Variants in IVD observed in about 807,000 individuals in gnomAD.
IVD encodes the protein isovaleryl-CoA dehydrogenase, mitochondrial.
A neutral mutation model predicts 51.3 loss-of-function variants in IVD; 31 were observed. The observed-to-expected ratio is 0.60, with a 90% CI of 0.45 to 0.81. The LOEUF is 0.81. IVD is among the 40% of genes least tolerant of loss of function. IVD has a pLI of 0.00. For synonymous variants in IVD, 205 were observed against 219.4 expected (o/e 0.93, Z 0.58); for missense variants, 475 against 552.0 (o/e 0.86, Z 1.40).
chr15:40,411,778 T>C, intron 6 of IVD, 87 bp downstream of exon 6: 1 of 1,501,388 alleles, frequency 6.7e-7, no homozygotes, highest in Non-Finnish European at 9.2e-7. Context: ...TCAAATGGAA[T>C]CAGTGTTGTG....
downstream of IVD, among the ~76,000 whole-genome samples, chr15:40,423,175 C>T (rs1047807789): frequency 6.6e-6 from 1 of 152,086 alleles, no homozygotes; most frequent in Non-Finnish European, 1.5e-5. Flanking sequence ...TGGGCTCAAG[C>T]GATCCTCCTG....
intron 7 of IVD, among the ~76,000 whole-genome samples, chr15:40,432,654 G>A (rs1893043849): frequency 6.6e-6 from 1 of 152,234 alleles, no homozygotes. Flanking sequence ...TGTAGGAGAT[G>A]GAACTACCTC....
rs151118565 is a variant in IVD at position 40,410,741 on chromosome 15, A to G, written c.400A>G (p.Ile134Val). ...LSYGAHSNLC[I>V]NQLVRNGNEA... ...TTACGGTGCCCACTCCAACCTCTGC[A>G]TCAACCAGCTTGTACGCAATGGGAA... The change falls in exon 4 of 12, where the codon ATC becomes GTC. Residue 134 changes from isoleucine (I) to valine (V), a missense_variant. Ile to Val is a conservative substitution (Grantham distance 29). Transcript: ENST00000487418. 2.8e-4 allele frequency: 454 copies of G among 1,614,098 alleles called. 4 individuals are homozygous for G. The highest frequency in any genetic ancestry group is 6.3e-5 in the Non-Finnish European group (74 of 1,180,038).
Position 40,411,697 on chromosome 15 carries a change from T to C in IVD, c.687+6T>C, listed in dbSNP as rs1182401012. On this transcript the variant is annotated splice_donor_region_variant and intron_variant, in intron 6 of 11. Coordinates refer to ENST00000487418, the MANE Select transcript of IVD (RefSeq NM_002225.5). ...CAGCCTTCATTGTGGAGAAGGTGAGTATAGGTGGGTGCAGGGCCAGGAGGC... is the reference window on the plus strand; with the variant it reads ...CAGCCTTCATTGTGGAGAAGGTGAGCATAGGTGGGTGCAGGGCCAGGAGGC... The C allele has an allele frequency of 1.2e-6, 2 of 1,613,420 alleles. No homozygotes were observed. Among genetic ancestry groups the C allele is most frequent in the Non-Finnish European group, 1.7e-6 (2 of 1,179,812 alleles).
At chr15:40,416,238 T>G in intron 10 of IVD, 52 bp from the exon 11 acceptor site, 1 of 1,611,950 alleles carries the variant, frequency 6.2e-7, no homozygotes, top group East Asian at 2.2e-5. Flanking sequence ...CTGCTGAGAC[T>G]TGCTGTCTGC....
intron 8 of IVD, among the ~76,000 whole-genome samples, chr15:40,435,112 C>A (rs1365361632): frequency 6.6e-6 from 1 of 152,204 alleles, no homozygotes; most frequent in Non-Finnish European, 1.5e-5. Context: ...GAATGAGAAA[C>A]CAATATAGGA....
At chr15:40,413,359 T>C (rs1436079256) in intron 7 of IVD, among the ~76,000 whole-genome samples, 1 of 152,256 alleles carries the variant, frequency 6.6e-6, no homozygotes, top group East Asian at 1.9e-4. Context: ...TTCCCATTGA[T>C]GTCCTTCAGT....
intron 1 of IVD, among the ~76,000 whole-genome samples, chr15:40,407,128 G>T (rs983370131): frequency 6.6e-6 from 1 of 152,232 alleles, no homozygotes; most frequent in Admixed American, 6.5e-5. Flanking sequence ...CTCCCAAAGT[G>T]CTGGGATTAC....
rs776015412 is a variant in IVD, at chr15:40,410,690, C to T, written c.349C>T (p.Arg117Ter). Reference sequence around the variant, plus strand: ...TGTGCTGGTGATGGAGGAGATATCCCGAGCTTCCGGAGCAGTGGGGCTCAG... The same window carrying T: ...TGTGCTGGTGATGGAGGAGATATCCTGAGCTTCCGGAGCAGTGGGGCTCAG... ...EHVLVMEEISRASGAVGLSYG... is the reference protein window; with the variant it reads ...EHVLVMEEIS Residue 117 changes from arginine to a stop codon, truncating the protein, a stop_gained, in exon 4 of 12, where the codon CGA becomes TGA. Coordinates refer to ENST00000487418, the MANE Select transcript of IVD (RefSeq NM_002225.5). LOFTEE classifies it high-confidence loss of function. The T allele has an allele frequency of 3.7e-6, 6 of 1,614,230 alleles. No individual in the cohort carries two copies. The highest frequency in any genetic ancestry group is 1.1e-5 in the South Asian group (1 of 91,076).
Position 40,420,911 on chromosome 15 carries a change from T to A in IVD, c.*2648T>A, listed in dbSNP as rs980729981. Reference sequence around the variant, plus strand: ...CTTCCGAGTTCCAAAAAGAGGGAACTGGTTTTCTTGGTTCTCAGCCCAGCA... The same window carrying A: ...CTTCCGAGTTCCAAAAAGAGGGAACAGGTTTTCTTGGTTCTCAGCCCAGCA... On this transcript the variant is annotated 3_prime_UTR_variant, in exon 12 of 12. Coordinates refer to ENST00000487418, the MANE Select transcript of IVD (RefSeq NM_002225.5). The A allele has an allele frequency of 2.0e-6, 2 of 985,486 alleles. No homozygotes were observed. Among genetic ancestry groups the A allele is most frequent in the African/African-American group, 3.5e-5 (2 of 57,238 alleles). 61.0% of individuals were successfully genotyped at this position (985,486 alleles called of 1,614,324 possible).
At chr15:40,422,766 A>G (rs868563771), downstream of IVD, among the ~76,000 whole-genome samples, 2 of 50,926 alleles carry the variant, frequency 3.9e-5, no homozygotes, top group South Asian at 1.3e-3. Flanking sequence ...TGCCTGGCTA[A>G]TTTTTGTATT....
chr15:40,421,142 G>A lies in IVD; in HGVS notation c.*2879G>A. ...ATGTGACTAAAAGGGCCATCTTGCT[G>A]GCTTAATGTGTGGCTGGAGAGACCA... On this transcript the variant is annotated 3_prime_UTR_variant, in exon 12 of 12. Coordinates refer to ENST00000487418, the MANE Select transcript of IVD (RefSeq NM_002225.5). The A allele has an allele frequency of 1.0e-6, 1 of 985,534 alleles. No individual in the cohort carries two copies. Among genetic ancestry groups the A allele is most frequent in the Non-Finnish European group, 1.2e-6 (1 of 829,994 alleles). The allele number at this position is 985,534 out of a possible 1,614,324, so 61.0% of individuals were successfully genotyped here. A position where few individuals can be genotyped will look rare whatever the true frequency, so the allele number is the denominator to read the frequency against.
chr15:40,425,449 T>C (rs1344347006), downstream of IVD, among the ~76,000 whole-genome samples: 3 of 147,428 alleles, frequency 2.0e-5, no homozygotes, highest in Non-Finnish European at 3.0e-5. Context: ...ACTATATATA[T>C]ATATATATAT....
chr15:40,421,329 A>G (rs1219180651), downstream of IVD: 1 of 985,300 alleles, frequency 1.0e-6, no homozygotes, highest in Admixed American at 6.1e-5. Flanking sequence ...TGAGTGGTAA[A>G]TGGAAGAACA....
Position 40,420,149 on chromosome 15 carries a change from A to AG in IVD, c.*1893dup, listed in dbSNP as rs398026948. On this transcript the variant is annotated 3_prime_UTR_variant, in exon 12 of 12. Transcript: ENST00000487418. The stretch of plus-strand genomic sequence containing the variant: ...TGAACACACATGCTGCTGAGTCCGC[A>AG]GGGGGGGCAGAGCAGAGGACAGCGT... 10 of 985,436 alleles carry AG rather than the reference A, an allele frequency of 1.0e-5. No individual in the cohort carries two copies. The highest frequency in any genetic ancestry group is 1.1e-5 in the Non-Finnish European group (9 of 830,076). 61.0% of individuals were successfully genotyped at this position (985,436 alleles called of 1,614,324 possible). A position where few individuals can be genotyped will look rare whatever the true frequency, so the allele number is the denominator to read the frequency against.
At chr15:40,415,137 T>C in intron 8 of IVD, 155 bp downstream of exon 8, 1 of 870,624 alleles carries the variant, frequency 1.1e-6, no homozygotes, top group East Asian at 2.7e-5. Context: ...CCTCTTCCCA[T>C]GTTGAATTTC....
At chr15:40,433,457 C>T (rs1893093445) in intron 7 of IVD, among the ~76,000 whole-genome samples, 1 of 152,260 alleles carries the variant, frequency 6.6e-6, no homozygotes, top group South Asian at 2.1e-4. Context: ...CTTCATCTTC[C>T]CAGGGGTCTG....
intron 9 of IVD, 128 bp downstream of exon 9, chr15:40,415,610 G>C: frequency 1.2e-6 from 1 of 800,628 alleles, no homozygotes; most frequent in Non-Finnish European, 2.1e-6. Flanking sequence ...TGACTGCTTG[G>C]AATGCAGTCT....
chr15:40,413,452 C>A (rs1276844843), intron 7 of IVD, among the ~76,000 whole-genome samples: 1 of 151,980 alleles, frequency 6.6e-6, no homozygotes, highest in African/African-American at 2.4e-5. Flanking sequence ...ATGAGTTATT[C>A]ATTTTTAGCA....
Sources: allele counts gnomAD v4.1 joint callset (sites outside exome capture counted in the v4.1 genomes callset), GRCh38; gene constraint gnomAD v4.1.1; transcripts MANE v1.5; gene names NCBI Gene and HGNC (gene_info 2026-07-23, HGNC 2026-07-21).